Variants in PIK3AP1 observed in about 807,000 individuals in gnomAD.
PIK3AP1 encodes phosphoinositide-3-kinase adaptor protein 1.
Under a neutral mutation model 88.1 loss-of-function variants are expected in PIK3AP1, and 21 were observed. The ratio of observed to expected loss-of-function variants is 0.24; its 90% confidence interval spans 0.17 to 0.34. PIK3AP1 has a LOEUF of 0.34. Ranked by LOEUF, PIK3AP1 falls within the 10% of genes least tolerant of loss-of-function variation. The probability of loss-of-function intolerance (pLI) is 1.00; values close to 1 mark genes in which losing one functional copy is unlikely to be tolerated. For synonymous variants in PIK3AP1, 398 were observed against 400.0 expected, an observed-to-expected ratio of 1.00 and a Z score of 0.06; for missense variants, 828 against 1,035.7, an observed-to-expected ratio of 0.80 and a Z score of 2.75.
chr10:96,662,422 T>C (rs563538352), intron 2 of PIK3AP1, among the ~76,000 whole-genome samples: 63 of 148,748 alleles, frequency 4.2e-4, no homozygotes, highest in Middle Eastern at 7.4e-3. Context: ...GCCAACATGG[T>C]GAAACCCTAT....
intron 8 of PIK3AP1, among the ~76,000 whole-genome samples, chr10:96,635,197 C>T (rs1324406452): frequency 2.2e-4 from 34 of 152,164 alleles, no homozygotes; most frequent in Admixed American, 2.2e-3. Flanking sequence ...GGGCATTATT[C>T]TGCCTCCCAA....
chr10:96,628,889 C>CACACACACATATATATATATATATAT (rs1554955372), intron 8 of PIK3AP1, among the ~76,000 whole-genome samples: 1 of 60,852 alleles, frequency 1.6e-5, no homozygotes, highest in African/African-American at 6.0e-5. Context: ...TATATATATA[C>CACACACACATATATATATATATATAT]ATATATATAT....
intron 16 of PIK3AP1, among the ~76,000 whole-genome samples, chr10:96,598,192 C>A (rs1392107551): frequency 6.6e-6 from 1 of 151,848 alleles, no homozygotes; most frequent in East Asian, 1.9e-4. Flanking sequence ...TACAGGCACA[C>A]ACCACCACAC....
At chr10:96,687,470 G>C (rs1844089739) in intron 2 of PIK3AP1, among the ~76,000 whole-genome samples, 1 of 152,004 alleles carries the variant, frequency 6.6e-6, no homozygotes, top group Non-Finnish European at 1.5e-5. Context: ...GTGATTTTGG[G>C]TTGTGTAATC....
At chr10:96,597,258 C>CTT (rs1464268310) in intron 16 of PIK3AP1, among the ~76,000 whole-genome samples, 3 of 139,120 alleles carry the variant, frequency 2.2e-5, no homozygotes, top group African/African-American at 7.9e-5. Context: ...TTCTTTTTTT[C>CTT]TTTCTTTCTT....
intron 8 of PIK3AP1, among the ~76,000 whole-genome samples, chr10:96,629,923 A>AT (rs1843217870): frequency 1.5e-5 from 1 of 67,578 alleles, no homozygotes; most frequent in African/African-American, 4.2e-5. Flanking sequence ...AAAAAAAAAA[A>AT]AAAAAAAAAG....
At chr10:96,675,046 C>T (rs917995591) in intron 2 of PIK3AP1, among the ~76,000 whole-genome samples, 2 of 152,140 alleles carry the variant, frequency 1.3e-5, no homozygotes, top group Non-Finnish European at 2.9e-5. Context: ...GCATGTGTCA[C>T]CACGCCCAGC....
chr10:96,648,530 C>A, intron 7 of PIK3AP1, 129 bp downstream of exon 7: 1 of 997,498 alleles, frequency 1.0e-6, no homozygotes, highest in Non-Finnish European at 1.4e-6. Flanking sequence ...CCCACACATA[C>A]TGCCCATGGC....
intron 2 of PIK3AP1, among the ~76,000 whole-genome samples, chr10:96,663,036 T>C (rs1843714308): frequency 6.6e-6 from 1 of 151,618 alleles, no homozygotes; most frequent in African/African-American, 2.4e-5. Flanking sequence ...TGAAAGAAGA[T>C]AGTCATAAAA....
chr10:96,610,853 A>G (rs1849095232), intron 13 of PIK3AP1, among the ~76,000 whole-genome samples: 1 of 152,216 alleles, frequency 6.6e-6, no homozygotes, highest in Non-Finnish European at 1.5e-5. Flanking sequence ...CTCCTGCCTC[A>G]AGACTCCCCC....
intron 8 of PIK3AP1, among the ~76,000 whole-genome samples, chr10:96,640,220 G>C (rs1212461666): frequency 6.6e-6 from 1 of 152,224 alleles, no homozygotes; most frequent in Non-Finnish European, 1.5e-5. Context: ...TGAGTCTGCA[G>C]TTTCTAACGG....
intron 2 of PIK3AP1, among the ~76,000 whole-genome samples, chr10:96,680,048 G>A (rs979082099): frequency 6.6e-6 from 1 of 152,070 alleles, no homozygotes; most frequent in Non-Finnish European, 1.5e-5. Context: ...ACCTCAAATA[G>A]AGATCTCCCT....
At position 96,611,384 on chromosome 10, in the gene PIK3AP1, C is replaced by G. The variant is rs555036390; in HGVS notation, c.2015-1517G>C. On this transcript the variant is annotated intron_variant, in intron 13 of 16. Coordinates refer to ENST00000339364, the MANE Select transcript of PIK3AP1 (RefSeq NM_152309.3). Reference sequence around the variant, plus strand: ...GGGCAAAAATAGCCAGGGGCACTCACTCTCATATGGGTAGCCCCCACAGTA... The same window carrying G: ...GGGCAAAAATAGCCAGGGGCACTCAGTCTCATATGGGTAGCCCCCACAGTA... Among the ~76,000 whole-genome samples the G allele has an allele frequency of 2.0e-5, 3 of 152,310 alleles. No individual in the cohort carries two copies. The East Asian group carries it at 5.8e-4, about 29-fold the overall frequency.
intron 1 of PIK3AP1, among the ~76,000 whole-genome samples, chr10:96,710,780 C>T (rs1015280335): frequency 6.6e-6 from 1 of 152,076 alleles, no homozygotes; most frequent in African/African-American, 2.4e-5. Flanking sequence ...AAATGAGAAA[C>T]CTGAGGTGTG....
chr10:96,690,834 C>A (rs1010931113), intron 2 of PIK3AP1, among the ~76,000 whole-genome samples: 1 of 152,106 alleles, frequency 6.6e-6, no homozygotes, highest in African/African-American at 2.4e-5. Context: ...TAGATCCTAC[C>A]CTGAGATTTT....
chr10:96,595,195 C>A lies in PIK3AP1; in HGVS notation c.*382G>T. On this transcript the variant is annotated 3_prime_UTR_variant, in exon 17 of 17. Transcript: ENST00000339364. ...ACTATAACCTCTTCTAGAAATCAGG[C>A]TGAACTAGCAAATACATAAAGACTA... 4.9e-6 allele frequency: 1 copy of A among 202,716 alleles called. No individual in the cohort carries two copies. The highest frequency in any genetic ancestry group is 9.9e-5 in the South Asian group (1 of 10,124). The allele number at this position is 202,716 out of a possible 1,614,324, so 12.6% of individuals were successfully genotyped here.
At chr10:96,668,200 AT>A (rs1163139388) in intron 2 of PIK3AP1, among the ~76,000 whole-genome samples, 1 of 152,198 alleles carries the variant, frequency 6.6e-6, no homozygotes, top group Non-Finnish European at 1.5e-5. Flanking sequence ...TGTTACCTAC[AT>A]TTTACCACAA....
intron 1 of PIK3AP1, among the ~76,000 whole-genome samples, chr10:96,715,128 A>G (rs1231194256): frequency 6.6e-6 from 1 of 152,126 alleles, no homozygotes; most frequent in Non-Finnish European, 1.5e-5. Context: ...CCTGAATACC[A>G]TGGGCCGAGA....
At chr10:96,714,364 CGTT>C (rs1460521285) in intron 1 of PIK3AP1, among the ~76,000 whole-genome samples, 1 of 152,208 alleles carries the variant, frequency 6.6e-6, no homozygotes, top group Admixed American at 6.5e-5. Context: ...CATTAAAACT[CGTT>C]GAAGATTTAC....
Sources: allele counts gnomAD v4.1 joint callset (sites outside exome capture counted in the v4.1 genomes callset), GRCh38; gene constraint gnomAD v4.1.1; transcripts MANE v1.5; gene names NCBI Gene and HGNC (gene_info 2026-07-23, HGNC 2026-07-21).